ATP2B4: variants seen among roughly 807,000 people sequenced by gnomAD.
ATP2B4 encodes the protein ATPase plasma membrane Ca2+ transporting 4.
A neutral mutation model predicts 110.3 loss-of-function variants in ATP2B4; 39 were observed. The ratio of observed to expected loss-of-function variants is 0.35; its 90% CI spans 0.27 to 0.46. ATP2B4 has a LOEUF of 0.46. Ranked by LOEUF, ATP2B4 falls within the 20% of genes least tolerant of loss-of-function variation. The pLI, the probability that ATP2B4 is intolerant of heterozygous loss-of-function variation, is 1.00. For missense variants in ATP2B4, 1,135 were observed against 1,530.9 expected (o/e 0.74, Z 4.32); for synonymous variants, 538 against 571.7 (o/e 0.94, Z 0.84).
At chr1:203,640,640 A>C (rs1306530247) in intron 1 of ATP2B4, among the ~76,000 whole-genome samples, 1 of 152,204 alleles carries the variant, frequency 6.6e-6, no homozygotes, top group Non-Finnish European at 1.5e-5. Context: ...CACATCTTAA[A>C]TAACAATGAC....
chr1:203,696,526 C>T (rs1474417017), intron 2 of ATP2B4, among the ~76,000 whole-genome samples: 4 of 152,162 alleles, frequency 2.6e-5, no homozygotes, highest in Non-Finnish European at 2.9e-5. Context: ...CCCTTCAAAC[C>T]GGCAACCAAC....
intron 6 of ATP2B4, among the ~76,000 whole-genome samples, chr1:203,701,562 G>A (rs531909482): frequency 1.3e-5 from 2 of 152,234 alleles, no homozygotes; most frequent in Non-Finnish European, 2.9e-5. Context: ...ATCTTGAGCT[G>A]TTTAGTGGAG....
chr1:203,720,287 G>A (rs935088809), intron 15 of ATP2B4, among the ~76,000 whole-genome samples: 3 of 152,184 alleles, frequency 2.0e-5, no homozygotes, highest in Non-Finnish European at 1.5e-5. Flanking sequence ...AGTTTCCAAG[G>A]TTGAGGGAGT....
In ATP2B4 at chr1:203,631,968, T is replaced by C. The variant is rs374549688; in HGVS notation, c.-465+4749T>C. On this transcript the variant is annotated intron_variant, in intron 1 of 20. Coordinates refer to ENST00000357681, the MANE Select transcript of ATP2B4 (RefSeq NM_001684.5). The stretch of plus-strand genomic sequence containing the variant: ...AGCCACCACACCGGCTAATTTTTTG[T>C]ATTTTAATAGAGATGGGGTTTCACC... Among the ~76,000 whole-genome samples the C allele has an allele frequency of 2.0e-5, 3 of 152,126 alleles. No homozygotes were observed. The East Asian group carries it at 5.8e-4, about 30-fold the overall frequency.
At chr1:203,697,448 C>G (rs1048267334) in intron 2 of ATP2B4, among the ~76,000 whole-genome samples, 3 of 152,192 alleles carry the variant, frequency 2.0e-5, no homozygotes, top group Non-Finnish European at 2.9e-5. Flanking sequence ...CCAAGAACCA[C>G]TTTAATATTT....
rs538324511 is a variant in ATP2B4 at position 203,629,731 on chromosome 1, T to A, written c.-465+2512T>A. Among the ~76,000 whole-genome samples the A allele has an allele frequency of 3.0e-4, 45 of 152,282 alleles. No homozygotes were observed. The highest frequency in any genetic ancestry group is 1.1e-3 in the African/African-American group (44 of 41,560). ...TGCGAACCGAGCGGCGAACGGAGGC[T>A]TCCTGCCTCCCAGGTTGTGCCGAGC... On this transcript the variant is annotated intron_variant, in intron 1 of 20. Transcript: ENST00000357681. The surrounding 1 kb of genome is among the most constrained non-coding windows in gnomAD (Gnocchi z 4.6).
chr1:203,738,415 GT>G (rs1666922132), intron 20 of ATP2B4, among the ~76,000 whole-genome samples: 1 of 152,144 alleles, frequency 6.6e-6, no homozygotes, highest in Non-Finnish European at 1.5e-5. Context: ...ATCAATTATT[GT>G]CAGTTTTTTC....
At chr1:203,692,629 C>T (rs967942849) in intron 2 of ATP2B4, among the ~76,000 whole-genome samples, 1 of 152,206 alleles carries the variant, frequency 6.6e-6, no homozygotes, top group Non-Finnish European at 1.5e-5. Context: ...GGCAAGGTGT[C>T]ATAACTCAGA....
At chr1:203,717,575 A>C (rs6658560) in intron 15 of ATP2B4, among the ~76,000 whole-genome samples, 2,417 of 152,042 alleles carry the variant, frequency 0.016, 70 homozygotes, top group African/African-American at 0.056. Flanking sequence ...GATAGGAGAT[A>C]GTCCATTTCT....
intron 4 of ATP2B4, 34 bp downstream of exon 4, chr1:203,699,751 C>G: frequency 1.9e-6 from 3 of 1,608,774 alleles, no homozygotes; most frequent in Non-Finnish European, 2.5e-6. Flanking sequence ...CTTACCCCAC[C>G]ACCACCCCCA....
In ATP2B4 at chr1:203,672,646, C is replaced by T. The variant is rs142126057; in HGVS notation, c.-464-10096C>T. Reference sequence around the variant, plus strand: ...GGAACCGTGGGGGATGGCAGGGGAACGGCAGCCTGGGTTCCAGAGGCAACC... The same window carrying T: ...GGAACCGTGGGGGATGGCAGGGGAATGGCAGCCTGGGTTCCAGAGGCAACC... On this transcript the variant is annotated intron_variant, in intron 1 of 20. Transcript: ENST00000357681. Among the ~76,000 whole-genome samples the T allele has an allele frequency of 2.8e-3, 432 of 152,144 alleles. 1 individual carries two copies. Among genetic ancestry groups the T allele is most frequent in the Admixed American group, 4.1e-3 (63 of 15,284 alleles).
chr1:203,729,146 C>T (rs1666615404), intron 20 of ATP2B4, among the ~76,000 whole-genome samples: 1 of 151,826 alleles, frequency 6.6e-6, no homozygotes, highest in Admixed American at 6.6e-5. Flanking sequence ...AAGAAGTTCC[C>T]CAGTCAATCC....
intron 1 of ATP2B4, among the ~76,000 whole-genome samples, chr1:203,635,793 T>C (rs1663419558): frequency 6.6e-6 from 1 of 152,242 alleles, no homozygotes; most frequent in Admixed American, 6.5e-5. Context: ...CCTGGTTTCT[T>C]CTCACTTTAT....
intron 1 of ATP2B4, among the ~76,000 whole-genome samples, chr1:203,635,998 G>T (rs1571664283): frequency 6.6e-6 from 1 of 152,174 alleles, no homozygotes; most frequent in East Asian, 1.9e-4. Context: ...GGCCACAAAG[G>T]GAGGTAGGAT....
chr1:203,676,551 G>C (rs559184614), intron 1 of ATP2B4, among the ~76,000 whole-genome samples: 1 of 152,308 alleles, frequency 6.6e-6, no homozygotes, highest in East Asian at 1.9e-4. Flanking sequence ...CTTTGGAAGC[G>C]TAAGAGTGCC....
Position 203,683,295 on chromosome 1 carries a change from G to A in ATP2B4, c.90G>A (p.Arg30=). Residue 30 remains arginine (R), a synonymous_variant, in exon 2 of 21, where the codon AGG becomes AGA. Transcript: ENST00000357681. Reference sequence around the variant, plus strand: ...TTGGCTGCACAGTAATGGAACTGAGGAAGCTCATGGAGCTGCGTTCAAGGG... The same window carrying A: ...TTGGCTGCACAGTAATGGAACTGAGAAAGCTCATGGAGCTGCGTTCAAGGG... ...GDFGCTVMEL[R]KLMELRSRDA... 1 of 1,614,186 alleles carries A rather than the reference G, an allele frequency of 6.2e-7. No homozygotes were observed. Among genetic ancestry groups the A allele is most frequent in the Non-Finnish European group, 8.5e-7 (1 of 1,180,036 alleles).
chr1:203,681,426 A>G (rs1041411770), intron 1 of ATP2B4, among the ~76,000 whole-genome samples: 1 of 152,204 alleles, frequency 6.6e-6, no homozygotes, highest in Non-Finnish European at 1.5e-5. Flanking sequence ...TATTTATTAC[A>G]GAGAGGTTGG....
intron 1 of ATP2B4, among the ~76,000 whole-genome samples, chr1:203,673,884 C>T (rs1433370625): frequency 1.3e-5 from 2 of 152,120 alleles, no homozygotes; most frequent in Non-Finnish European, 1.5e-5. Flanking sequence ...CCCGGTAGCC[C>T]AGGGAGATGA....
intron 20 of ATP2B4, chr1:203,733,297 C>T: frequency 6.2e-7 from 1 of 1,614,106 alleles, no homozygotes; most frequent in Non-Finnish European, 8.5e-7. Flanking sequence ...TGGGTCAACA[C>T]CTTGATGTAA....
Sources: allele counts gnomAD v4.1 joint callset (sites outside exome capture counted in the v4.1 genomes callset), GRCh38; gene constraint gnomAD v4.1.1; non-coding constraint Gnocchi (gnomAD v3.1); transcripts MANE v1.5; gene names NCBI Gene and HGNC (gene_info 2026-07-23, HGNC 2026-07-21).